The following KCNAB1 variants were observed in gnomAD, a reference collection of about 807,000 sequenced individuals.
KCNAB1 encodes the protein potassium voltage-gated channel subfamily A regulatory beta subunit 1, also known as voltage-gated potassium channel subunit beta-1.
A neutral mutation model predicts 64.6 loss-of-function variants in KCNAB1; 35 were observed. The observed-to-expected ratio is 0.54, with a 90% CI of 0.41 to 0.72. The LOEUF (loss-of-function observed/expected upper bound fraction) is 0.72. Among genes scored for constraint, KCNAB1 ranks in the 30% least tolerant of loss-of-function variants. The probability of loss-of-function intolerance (pLI) is 0.00; values close to 1 mark genes in which losing one functional copy is unlikely to be tolerated. For synonymous variants in KCNAB1, 177 were observed against 183.8 expected, an observed-to-expected ratio of 0.96 and a Z score of 0.30; for missense variants, 401 against 512.9, an observed-to-expected ratio of 0.78 and a Z score of 2.11.
At chr3:156,331,236 G>A (rs1034072190) in intron 1 of KCNAB1, among the ~76,000 whole-genome samples, 6 of 152,178 alleles carry the variant, frequency 3.9e-5, no homozygotes, top group African/African-American at 1.2e-4. Flanking sequence ...CAGCACCAGC[G>A]ATCATGTAGA....
intron 1 of KCNAB1, among the ~76,000 whole-genome samples, chr3:156,327,011 C>T (rs967895409): frequency 5.2e-4 from 79 of 152,124 alleles, no homozygotes; most frequent in Non-Finnish European, 1.5e-4. Flanking sequence ...GACAGGAATA[C>T]TGGCTCGCAA....
At chr3:156,222,808 A>G (rs1055341060) in intron 1 of KCNAB1, among the ~76,000 whole-genome samples, 1 of 152,274 alleles carries the variant, frequency 6.6e-6, no homozygotes, top group African/African-American at 2.4e-5. Context: ...TATGGAAATT[A>G]AATAACCTGA....
At chr3:156,390,995 A>C (rs1215623247) in intron 1 of KCNAB1, among the ~76,000 whole-genome samples, 1 of 152,196 alleles carries the variant, frequency 6.6e-6, no homozygotes, top group Admixed American at 6.5e-5. Flanking sequence ...GAGTGTCATT[A>C]AGTCAGAACT....
In KCNAB1 at chr3:156,268,939, A is replaced by C. The variant is rs114827914; in HGVS notation, c.275+148053A>C. On this transcript the variant is annotated intron_variant, in intron 1 of 13. Coordinates refer to ENST00000490337, the MANE Select transcript of KCNAB1 (RefSeq NM_172160.3). The stretch of plus-strand genomic sequence containing the variant: ...TACTCAGGAAATCTTTGCCCAGTCC[A>C]ATGTTCTGGAGAGTTTCCTCAATGT... Among the ~76,000 whole-genome samples the C allele has an allele frequency of 8.0e-3, 1,218 of 152,290 alleles. 30 individuals carry two copies. The highest frequency in any genetic ancestry group is 0.028 in the African/African-American group (1,156 of 41,564).
chr3:156,385,126 T>C (rs1477191731), intron 1 of KCNAB1, among the ~76,000 whole-genome samples: 4 of 152,208 alleles, frequency 2.6e-5, no homozygotes, highest in African/African-American at 7.2e-5. Flanking sequence ...TTCCTGCCAA[T>C]GCCAAAGTGC....
chr3:156,512,851 T>G (rs1331416533), intron 8 of KCNAB1, among the ~76,000 whole-genome samples: 2 of 152,214 alleles, frequency 1.3e-5, no homozygotes, highest in Non-Finnish European at 1.5e-5. Context: ...CTTTTACCTC[T>G]GTTGGACACA....
chr3:156,184,962 C>G (rs772730882), intron 1 of KCNAB1, among the ~76,000 whole-genome samples: 1 of 152,130 alleles, frequency 6.6e-6, no homozygotes, highest in Non-Finnish European at 1.5e-5. Flanking sequence ...AATTCTCATG[C>G]ATATTATTTA....
intron 1 of KCNAB1, among the ~76,000 whole-genome samples, chr3:156,353,752 G>T (rs889385411): frequency 1.3e-5 from 2 of 152,214 alleles, no homozygotes; most frequent in Non-Finnish European, 2.9e-5. Flanking sequence ...AGGGAGGCTG[G>T]CTTCCCGCAG....
chr3:156,206,293 C>T (rs1348292575), intron 1 of KCNAB1, among the ~76,000 whole-genome samples: 2 of 152,308 alleles, frequency 1.3e-5, no homozygotes, highest in East Asian at 3.9e-4. Context: ...TTTCACTTTC[C>T]TGGCTCCAGT....
chr3:156,200,746 C>T lies in KCNAB1; in HGVS notation c.275+79860C>T, dbSNP rs117042903. 8.1e-4 allele frequency among the ~76,000 whole-genome samples: 124 copies of T among 152,334 alleles called. No homozygotes were observed. In the East Asian group the frequency reaches 0.021, roughly 26 times the overall value. ...AGCCAGTTGTCCTTAGCTTGCTGCA[C>T]GATGTGGGAATGGGACCCGCTGAAT... On this transcript the variant is annotated intron_variant, in intron 1 of 13. Transcript: ENST00000490337.
chr3:156,354,258 G>A (rs1041662716), intron 1 of KCNAB1, among the ~76,000 whole-genome samples: 10 of 150,998 alleles, frequency 6.6e-5, no homozygotes, highest in Non-Finnish European at 1.0e-4. Flanking sequence ...TGCCTCCTGG[G>A]TTCAAGCGAT....
chr3:156,301,162 G>A (rs572239844), intron 1 of KCNAB1, among the ~76,000 whole-genome samples: 3 of 152,020 alleles, frequency 2.0e-5, no homozygotes, highest in Admixed American at 1.3e-4. Flanking sequence ...ATGCTAATAA[G>A]CTTCCTCTTT....
chr3:156,165,398 C>T (rs140021408), intron 1 of KCNAB1, among the ~76,000 whole-genome samples: 4 of 151,954 alleles, frequency 2.6e-5, no homozygotes, highest in Admixed American at 1.3e-4. Context: ...GGACCCAGGC[C>T]TGTGATATTG....
At chr3:156,394,507 T>A (rs1034302783) in intron 1 of KCNAB1, among the ~76,000 whole-genome samples, 1 of 152,088 alleles carries the variant, frequency 6.6e-6, no homozygotes, top group African/African-American at 2.4e-5. Flanking sequence ...AGCTGACTTG[T>A]GCAAGGGAGG....
At chr3:156,533,488 T>A (rs1469726916) in intron 13 of KCNAB1, among the ~76,000 whole-genome samples, 1 of 152,126 alleles carries the variant, frequency 6.6e-6, no homozygotes, top group Non-Finnish European at 1.5e-5. Context: ...TGCACTGACG[T>A]GGAGAGACAG....
intron 8 of KCNAB1, among the ~76,000 whole-genome samples, chr3:156,499,182 TCAAA>T (rs1474692915): frequency 1.3e-5 from 2 of 152,226 alleles, no homozygotes; most frequent in Admixed American, 1.3e-4. Flanking sequence ...ATGTTCCTGC[TCAAA>T]CAAAGGCAAT....
chr3:156,168,925 C>T (rs1056619066), intron 1 of KCNAB1, among the ~76,000 whole-genome samples: 1 of 152,198 alleles, frequency 6.6e-6, no homozygotes, highest in Non-Finnish European at 1.5e-5. Flanking sequence ...GAAAGAATCA[C>T]TTCTTGCCTC....
intron 1 of KCNAB1, chr3:156,143,442 T>G: frequency 6.6e-7 from 1 of 1,512,030 alleles, no homozygotes; most frequent in Admixed American, 2.0e-5. Context: ...TGCAAAGTCA[T>G]CCAACCAGGG....
intron 7 of KCNAB1, among the ~76,000 whole-genome samples, chr3:156,473,016 C>A (rs1274442470): frequency 6.6e-6 from 1 of 152,148 alleles, no homozygotes; most frequent in African/African-American, 2.4e-5. Flanking sequence ...AGAGAGAGGG[C>A]CATTGTCAGA....
Sources: gnomAD v4.1 joint callset for allele counts (sites outside exome capture counted in the v4.1 genomes callset) on GRCh38, gnomAD v4.1.1 for gene constraint, MANE v1.5 for transcripts, NCBI Gene and HGNC (gene_info 2026-07-23, HGNC 2026-07-21) for gene names.